MYCBP2: variants seen among roughly 807,000 people sequenced by gnomAD.
MYCBP2 encodes MYC binding protein 2.
A neutral mutation model predicts 525.3 loss-of-function variants in MYCBP2; 120 were observed. That is an observed-to-expected ratio of 0.23 (90% CI 0.20 to 0.27). MYCBP2 has a LOEUF of 0.27. Among genes scored for constraint, MYCBP2 ranks in the 10% least tolerant of loss-of-function variants. The pLI, the probability that MYCBP2 is intolerant of heterozygous loss-of-function variation, is 1.00. For synonymous variants in MYCBP2, 1,894 were observed against 1,955.8 expected (o/e 0.97, Z 0.83); for missense variants, 4,149 against 5,657.1 (o/e 0.73, Z 8.55).
intron 17 of MYCBP2, among the ~76,000 whole-genome samples, chr13:77,236,188 T>C (rs867337952): frequency 6.6e-6 from 1 of 152,166 alleles, no homozygotes; most frequent in African/African-American, 2.4e-5. Context: ...GAAAAGTAGA[T>C]ATTAAAAAGC....
chr13:77,059,407 T>TAATA (rs1566319457), intron 77 of MYCBP2, 116 bp downstream of exon 77: 1 of 774,286 alleles, frequency 1.3e-6, no homozygotes. Flanking sequence ...TTCACATAGG[T>TAATA]AATACACTCA....
intron 14 of MYCBP2, among the ~76,000 whole-genome samples, chr13:77,256,641 T>C (rs946582643): frequency 3.9e-5 from 6 of 152,038 alleles, no homozygotes; most frequent in African/African-American, 1.2e-4. Context: ...CTCAACATCA[T>C]GGATCATCAG....
chr13:77,125,168 G>C lies in MYCBP2; in HGVS notation c.8017+168C>G, dbSNP rs372771477. Among the ~76,000 whole-genome samples the C allele has an allele frequency of 2.6e-5, 4 of 152,180 alleles. No homozygotes were observed. The South Asian group carries it at 8.3e-4, about 32-fold the overall frequency. ...TCTTTAATGTGCATTAAGTACTCAC[G>C]TATTTTACAAACCAATTTTAACAGT... On this transcript the variant is annotated intron_variant, in intron 54 of 82. Coordinates refer to ENST00000544440, the MANE Select transcript of MYCBP2 (RefSeq NM_015057.5).
intron 1 of MYCBP2, among the ~76,000 whole-genome samples, chr13:77,321,760 T>C (rs969593910): frequency 6.6e-6 from 1 of 152,244 alleles, no homozygotes. Flanking sequence ...TTAACACTTC[T>C]ATAAGTATCT....
At chr13:77,229,427 T>C (rs1404514981) in intron 18 of MYCBP2, among the ~76,000 whole-genome samples, 1 of 152,196 alleles carries the variant, frequency 6.6e-6, no homozygotes, top group Non-Finnish European at 1.5e-5. Context: ...AGTTTAATCA[T>C]AAATAAGGCT....
At chr13:77,191,210 T>C (rs2061263046) in intron 28 of MYCBP2, among the ~76,000 whole-genome samples, 1 of 152,168 alleles carries the variant, frequency 6.6e-6, no homozygotes, top group Admixed American at 6.5e-5. Context: ...GAATATGAAC[T>C]GAAAAGTACT....
intron 14 of MYCBP2, among the ~76,000 whole-genome samples, chr13:77,254,442 T>C (rs142670993): frequency 1.3e-5 from 2 of 151,854 alleles, no homozygotes; most frequent in African/African-American, 2.4e-5. Flanking sequence ...TTTCAATATG[T>C]TCTGTACTTT....
chr13:77,055,576 C>T lies in MYCBP2; in HGVS notation c.13629G>A (p.Val4543=). ...AGCATACCTTTCTGCATTTGTAGCACACATAATATGCATATCTATTCATTG... is the reference window on the plus strand; with the variant it reads ...AGCATACCTTTCTGCATTTGTAGCATACATAATATGCATATCTATTCATTG... The part of the protein sequence containing the change: ...GYAMNRYAYY[V]CYKCRKAYFG... Residue 4543 remains valine, a synonymous_variant, in exon 80 of 83, where the codon GTG becomes GTA. Transcript: ENST00000544440. 2 of 1,613,758 alleles carry T rather than the reference C, an allele frequency of 1.2e-6. No individual in the cohort carries two copies. Among genetic ancestry groups the T allele is most frequent in the Non-Finnish European group, 1.7e-6 (2 of 1,179,906 alleles).
intron 10 of MYCBP2, among the ~76,000 whole-genome samples, chr13:77,262,448 G>T (rs952221159): frequency 2.0e-5 from 3 of 151,892 alleles, no homozygotes; most frequent in Non-Finnish European, 4.4e-5. Context: ...TTTATTGAGC[G>T]TTTATTAGGT....
At chr13:77,102,722 T>C (rs1312197384) in intron 55 of MYCBP2, among the ~76,000 whole-genome samples, 1 of 151,670 alleles carries the variant, frequency 6.6e-6, no homozygotes, top group Non-Finnish European at 1.5e-5. Flanking sequence ...AATAGACACA[T>C]GAGTCCTAAT....
chr13:77,195,350 A>G (rs984158677), intron 26 of MYCBP2, among the ~76,000 whole-genome samples: 5 of 152,162 alleles, frequency 3.3e-5, no homozygotes, highest in African/African-American at 9.7e-5. Context: ...TAATCCTAGC[A>G]CTTTGGGAGG....
At chr13:77,116,435 G>A (rs971099818) in intron 55 of MYCBP2, among the ~76,000 whole-genome samples, 5 of 151,628 alleles carry the variant, frequency 3.3e-5, no homozygotes, top group South Asian at 2.1e-4. Flanking sequence ...TTCCCAACAC[G>A]GTATAAAAAA....
chr13:77,097,148 T>C (rs952774621), intron 56 of MYCBP2, among the ~76,000 whole-genome samples: 5 of 152,168 alleles, frequency 3.3e-5, no homozygotes, highest in Admixed American at 3.3e-4. Flanking sequence ...TTTTAAAACA[T>C]GCTACATGAA....
intron 44 of MYCBP2, among the ~76,000 whole-genome samples, chr13:77,160,375 G>A (rs919534358): frequency 1.3e-5 from 2 of 152,132 alleles, no homozygotes; most frequent in African/African-American, 4.8e-5. Flanking sequence ...AATTCATTGG[G>A]TTGCTGTGGG....
intron 53 of MYCBP2, 49 bp downstream of exon 53, chr13:77,126,269 A>G: frequency 1.9e-5 from 29 of 1,501,170 alleles, no homozygotes; most frequent in Non-Finnish European, 2.6e-5. Context: ...TGGTTGTATT[A>G]CATTAAAAAT....
intron 17 of MYCBP2, among the ~76,000 whole-genome samples, chr13:77,237,414 GA>G (rs988411170): frequency 3.9e-4 from 60 of 152,092 alleles, no homozygotes; most frequent in African/African-American, 1.1e-3. Context: ...CATTTACTTT[GA>G]GGGGGGGATG....
chr13:77,050,808 C>T (rs991319193), intron 82 of MYCBP2, among the ~76,000 whole-genome samples, 189 bp downstream of exon 82: 3 of 152,196 alleles, frequency 2.0e-5, no homozygotes, highest in African/African-American at 7.2e-5. Flanking sequence ...ACTTCTCACT[C>T]ATGATGATGA....
chr13:77,094,512 T>A (rs1334179976), intron 58 of MYCBP2, among the ~76,000 whole-genome samples: 2 of 152,174 alleles, frequency 1.3e-5, no homozygotes, highest in East Asian at 3.8e-4. Context: ...AATGCAATCT[T>A]AACCTGGGCT....
At chr13:77,232,620 T>C (rs1387376700) in intron 18 of MYCBP2, among the ~76,000 whole-genome samples, 2 of 152,208 alleles carry the variant, frequency 1.3e-5, no homozygotes, top group African/African-American at 4.8e-5. Context: ...ATTCGTGCTT[T>C]GCTTGCACTT....
Sources: allele counts gnomAD v4.1 joint callset (sites outside exome capture counted in the v4.1 genomes callset), GRCh38; gene constraint gnomAD v4.1.1; transcripts MANE v1.5; gene names NCBI Gene and HGNC (gene_info 2026-07-23, HGNC 2026-07-21).